Variants in IFT122 observed in about 807,000 individuals in gnomAD.
The protein encoded by IFT122 is intraflagellar transport 122, also known as intraflagellar transport protein 122 homolog.
In IFT122, 118 loss-of-function variants were observed where a neutral mutation model predicts 161.6. The ratio of observed to expected loss-of-function variants is 0.73; its 90% CI spans 0.63 to 0.85. The LOEUF is 0.85. IFT122 is among the 40% of genes least tolerant of loss of function. The pLI is 0.00. For missense variants in IFT122, 1,381 were observed against 1,579.6 expected (o/e 0.87, Z 2.13); for synonymous variants, 550 against 602.4 (o/e 0.91, Z 1.27).
intron 17 of IFT122, among the ~76,000 whole-genome samples, chr3:129,492,738 T>C (rs975843543): frequency 6.6e-6 from 1 of 151,902 alleles, no homozygotes; most frequent in Non-Finnish European, 1.5e-5. Context: ...CCAAACCCAA[T>C]AGGCCTGCAG....
At chr3:129,478,308 G>C in intron 12 of IFT122, 90 bp downstream of exon 12, 1 of 1,074,760 alleles carries the variant, frequency 9.3e-7, no homozygotes, top group Admixed American at 1.9e-5. Flanking sequence ...TTTTAAAACT[G>C]GTCACTAGAA....
At chr3:129,477,635 A>G (rs2078113503) in intron 11 of IFT122, among the ~76,000 whole-genome samples, 1 of 152,084 alleles carries the variant, frequency 6.6e-6, no homozygotes, top group Non-Finnish European at 1.5e-5. Context: ...CAGAAATTAC[A>G]TGTCTTCCCC....
At chr3:129,509,727 G>A (rs1159818192) in intron 23 of IFT122, among the ~76,000 whole-genome samples, 2 of 152,332 alleles carry the variant, frequency 1.3e-5, no homozygotes, top group East Asian at 3.9e-4. Context: ...CAATATGTGA[G>A]TCTCAGTAGT....
intron 29 of IFT122, 79 bp from the exon 30 acceptor site, chr3:129,520,097 A>G: frequency 8.6e-7 from 1 of 1,166,194 alleles, no homozygotes. Context: ...TCCCCTTGAG[A>G]GGCAGTGCGT....
chr3:129,499,511 C>T (rs529362901), intron 18 of IFT122, among the ~76,000 whole-genome samples: 3 of 152,238 alleles, frequency 2.0e-5, no homozygotes, highest in Non-Finnish European at 2.9e-5. Flanking sequence ...TGTTTAGGAA[C>T]AGTCCTGTAT....
rs762874935 is a variant in IFT122, at chr3:129,512,334, G to A, written c.2909G>A (p.Arg970His). Residue 970 changes from arginine (R) to histidine (H), a missense_variant, in exon 24 of 30, where the codon CGT (arginine) becomes CAT (histidine). Physicochemically the swap from Arg to His is conservative, Grantham distance 29. Around this residue, in one of 7 missense-constraint regions of IFT122, gnomAD observed 496 missense variants for 502.5 expected, o/e 0.99. Coordinates refer to ENST00000348417, the MANE Select transcript of IFT122 (RefSeq NM_052989.3). ...CAGGAAGATCCGTTCAGTGTCCATC[G>A]TCCTGAAACTCTTTTCAACATCTCC... ...RHTEDPFSVH[R>H]PETLFNISRF... 9 of 1,613,652 alleles carry A rather than the reference G, an allele frequency of 5.6e-6. No homozygotes were observed. The highest frequency in any genetic ancestry group is 5.1e-6 in the Non-Finnish European group (6 of 1,179,694).
chr3:129,458,752 A>T, intron 4 of IFT122, 75 bp downstream of exon 4: 1 of 1,193,400 alleles, frequency 8.4e-7, no homozygotes, highest in Non-Finnish European at 1.3e-6. Flanking sequence ...CTTAGAAAAG[A>T]TGTAGGAGAA....
intron 23 of IFT122, among the ~76,000 whole-genome samples, chr3:129,509,121 C>T (rs761209129): frequency 6.6e-6 from 1 of 152,146 alleles, no homozygotes; most frequent in Admixed American, 6.5e-5. Context: ...ATGTAAAGTC[C>T]ACTTTTTGTC....
intron 2 of IFT122, among the ~76,000 whole-genome samples, chr3:129,451,200 G>C (rs1429596878): frequency 6.6e-6 from 1 of 152,010 alleles, no homozygotes. Flanking sequence ...CTGGGCTTAA[G>C]GGATCTTCCC....
At chr3:129,516,758 C>G (rs1401682034) in intron 26 of IFT122, among the ~76,000 whole-genome samples, 1 of 121,884 alleles carries the variant, frequency 8.2e-6, no homozygotes, top group Non-Finnish European at 1.6e-5. Flanking sequence ...CACACACAGA[C>G]TGCCCCTGCA....
intron 3 of IFT122, among the ~76,000 whole-genome samples, chr3:129,458,357 A>G (rs2075779527): frequency 6.6e-6 from 1 of 152,220 alleles, no homozygotes; most frequent in East Asian, 1.9e-4. Flanking sequence ...AATCCCTAGC[A>G]TAGAACATGA....
rs577747243 is a variant in IFT122, at chr3:129,462,808, G to A, written c.350-752G>A. ...ACTTGCTATGAGGCACTGAGCCAGG[G>A]CATCTGGGACAGGGGGGAGCAAGCC... On this transcript the variant is annotated intron_variant, in intron 5 of 29. Transcript: ENST00000348417. Among the ~76,000 whole-genome samples, 40 of 152,334 alleles carry A rather than the reference G, an allele frequency of 2.6e-4. No individual in the cohort carries two copies. The Middle Eastern group carries it at 0.014, about 52-fold the overall frequency.
intron 21 of IFT122, among the ~76,000 whole-genome samples, chr3:129,505,165 G>A (rs752275533): frequency 2.6e-5 from 4 of 152,212 alleles, no homozygotes; most frequent in African/African-American, 4.8e-5. Flanking sequence ...GTGCAAGGAC[G>A]AAGAGGCTAA....
intron 11 of IFT122, among the ~76,000 whole-genome samples, chr3:129,477,715 G>A (rs1288973743): frequency 4.6e-5 from 7 of 152,174 alleles, no homozygotes; most frequent in South Asian, 2.1e-4. Flanking sequence ...TCTGATCACC[G>A]GGGGCCACTA....
chr3:129,517,606 C>T lies in IFT122; in HGVS notation c.3391+12C>T. On this transcript the variant is annotated intron_variant, in intron 27 of 29. Transcript: ENST00000348417. ...GATTGCAAACAACAGTATCCATGCC[C>T]TTGGCCAGAGCCTGTGTGTGCGGCT... 1.2e-6 allele frequency: 2 copies of T among 1,611,896 alleles called. No homozygotes were observed. The highest frequency in any genetic ancestry group is 1.7e-6 in the Non-Finnish European group (2 of 1,178,574).
Position 129,500,013 on chromosome 3 carries a change from G to T in IFT122, c.2320G>T (p.Ala774Ser). 1 of 1,614,216 alleles carries T rather than the reference G, an allele frequency of 6.2e-7. No individual in the cohort carries two copies. Among genetic ancestry groups the T allele is most frequent in the Non-Finnish European group, 8.5e-7 (1 of 1,180,040 alleles). Residue 774 changes from alanine (A) to serine (S), a missense_variant, in exon 19 of 30, where the codon GCA (alanine) becomes TCA (serine). Ala to Ser is a moderately conservative substitution (Grantham distance 99, BLOSUM62 1). Around this residue, in one of 7 missense-constraint regions of IFT122, gnomAD observed 496 missense variants for 502.5 expected, o/e 0.99. Coordinates refer to ENST00000348417, the MANE Select transcript of IFT122 (RefSeq NM_052989.3). ...PKAAVEMYIS[A>S]GEHVKAIEIC... ...AGCCGCCGTGGAGATGTACATCTCA[G>T]CAGGAGAGCACGTCAAGGCCATCGA...
At chr3:129,441,078 C>T (rs1439489905) in intron 1 of IFT122, among the ~76,000 whole-genome samples, 1 of 152,214 alleles carries the variant, frequency 6.6e-6, no homozygotes, top group Non-Finnish European at 1.5e-5. Context: ...ACTTTGTCAC[C>T]TTTTGATTCA....
At chr3:129,460,527 T>C (rs2076107314) in intron 4 of IFT122, among the ~76,000 whole-genome samples, 1 of 152,176 alleles carries the variant, frequency 6.6e-6, no homozygotes. Flanking sequence ...CCCAAACTGC[T>C]GGGATTACAG....
At chr3:129,463,466 T>C (rs766923060) in intron 5 of IFT122, 94 bp from the exon 6 acceptor site, 22 of 958,684 alleles carry the variant, frequency 2.3e-5, no homozygotes, top group Non-Finnish European at 3.4e-5. Flanking sequence ...TGGAGATCCA[T>C]CTAAGTTGTT....
Sources: allele counts gnomAD v4.1 joint callset (sites outside exome capture counted in the v4.1 genomes callset), GRCh38; gene constraint gnomAD v4.1.1; regional missense constraint gnomAD v4.1.1; transcripts MANE v1.5; gene names NCBI Gene and HGNC (gene_info 2026-07-23, HGNC 2026-07-21).